LYRM4: variants seen among roughly 807,000 people sequenced by gnomAD.
LYRM4 encodes LYR motif-containing protein 4.
LYRM4 carries 9 observed loss-of-function variants against 11.7 expected under a neutral mutation model. The observed-to-expected ratio is 0.77, with a 90% confidence interval of 0.46 to 1.34. The LOEUF is 1.34. LYRM4 is among the 40% of genes most tolerant of loss of function. The probability of loss-of-function intolerance (pLI) is 0.00; values close to 1 mark genes in which losing one functional copy is unlikely to be tolerated. For synonymous variants in LYRM4, 42 were observed against 40.4 expected (o/e 1.04, Z -0.15); for missense variants, 133 against 112.5 (o/e 1.18, Z -0.82).
At chr6:5,180,148 G>A (rs1759982679) in intron 2 of LYRM4, among the ~76,000 whole-genome samples, 1 of 152,166 alleles carries the variant, frequency 6.6e-6, no homozygotes, top group Non-Finnish European at 1.5e-5. Context: ...GGTTACTAAT[G>A]AAATCTGAAG....
the LYRM4 span, among the ~76,000 whole-genome samples, chr6:5,081,968 G>T: frequency 1.3e-5 from 2 of 152,160 alleles, no homozygotes; most frequent in Non-Finnish European, 2.9e-5. Flanking sequence ...TGGAGACCCT[G>T]GAGGCTGGTG....
At chr6:5,162,115 A>T (rs1758795487) in intron 2 of LYRM4, among the ~76,000 whole-genome samples, 1 of 152,186 alleles carries the variant, frequency 6.6e-6, no homozygotes, top group Non-Finnish European at 1.5e-5. Context: ...ATGGCATTTC[A>T]GCTTTAACTA....
the LYRM4 span, among the ~76,000 whole-genome samples, chr6:5,078,504 T>G: frequency 6.6e-6 from 1 of 152,166 alleles, no homozygotes; most frequent in Non-Finnish European, 1.5e-5. Flanking sequence ...CGGTGACCAG[T>G]AGGTGTCAGC....
the LYRM4 span, among the ~76,000 whole-genome samples, chr6:5,069,060 A>G: frequency 1.2e-5 from 1 of 81,898 alleles, no homozygotes; most frequent in Admixed American, 1.2e-4. Context: ...TATTTGGTGC[A>G]AAAAAAAAAT....
chr6:5,080,414 C>T, the LYRM4 span, among the ~76,000 whole-genome samples: 3 of 152,246 alleles, frequency 2.0e-5, no homozygotes, highest in African/African-American at 7.2e-5. Context: ...TGCATACCTC[C>T]ATGTGCCCCT....
chr6:5,249,877 G>A lies in LYRM4; in HGVS notation c.86+10771C>T, dbSNP rs540982701. Among the ~76,000 whole-genome samples the A allele has an allele frequency of 1.3e-3, 195 of 152,294 alleles. 3 individuals carry two copies. Among genetic ancestry groups the A allele is most frequent in the African/African-American group, 4.6e-3 (190 of 41,572 alleles). ...TTCAGTGTGAAGAAAGGGGTATACA[G>A]GAGAAGTAATATGACATGAAGTACC... On this transcript the variant is annotated intron_variant, in intron 1 of 2. Transcript: ENST00000330636.
chr6:5,193,969 A>C (rs1055180885), intron 2 of LYRM4, among the ~76,000 whole-genome samples: 1 of 149,994 alleles, frequency 6.7e-6, no homozygotes, highest in African/African-American at 2.5e-5. Context: ...GAAATATATG[A>C]TTGTTAAAAA....
At chr6:5,085,953 G>C in the LYRM4 span, 1 of 1,526,860 alleles carries the variant, frequency 6.5e-7, no homozygotes, top group South Asian at 1.2e-5. Flanking sequence ...AGCCGCAGGT[G>C]CCGCCCGCCG....
At chr6:5,089,950 T>A in the LYRM4 span, among the ~76,000 whole-genome samples, 1 of 152,066 alleles carries the variant, frequency 6.6e-6, no homozygotes, top group South Asian at 2.1e-4. Flanking sequence ...TGAAAAGTTA[T>A]TTCAAAGGAA....
the LYRM4 span, among the ~76,000 whole-genome samples, chr6:5,082,083 TC>T: frequency 1.3e-5 from 2 of 152,214 alleles, no homozygotes; most frequent in Non-Finnish European, 2.9e-5. Flanking sequence ...ACTGGTGAAC[TC>T]AAGCAAAGTG....
chr6:5,112,294 T>C (rs1762918299), intron 2 of LYRM4, among the ~76,000 whole-genome samples: 2 of 152,214 alleles, frequency 1.3e-5, no homozygotes, highest in Admixed American at 1.3e-4. Flanking sequence ...AAGGCAGGAC[T>C]GGTGAACACT....
chr6:5,160,896 C>A (rs764555268), intron 2 of LYRM4, among the ~76,000 whole-genome samples: 1 of 152,052 alleles, frequency 6.6e-6, no homozygotes, highest in South Asian at 2.1e-4. Flanking sequence ...GGGGAGCAAA[C>A]GATTTAGACC....
At chr6:5,041,670 G>T in the LYRM4 span, among the ~76,000 whole-genome samples, 12 of 152,098 alleles carry the variant, frequency 7.9e-5, no homozygotes, top group Non-Finnish European at 1.8e-4. Context: ...AGATATCTGG[G>T]TTTTTTTCCC....
chr6:5,096,226 A>G, the LYRM4 span, among the ~76,000 whole-genome samples: 1 of 152,206 alleles, frequency 6.6e-6, no homozygotes, highest in Non-Finnish European at 1.5e-5. Flanking sequence ...GCAGTAGCTC[A>G]TGCCTGTAAT....
chr6:5,214,731 T>C (rs1047867675), intron 2 of LYRM4, among the ~76,000 whole-genome samples: 2 of 152,208 alleles, frequency 1.3e-5, no homozygotes, highest in African/African-American at 4.8e-5. Flanking sequence ...GGAGCCACTG[T>C]GCCTTACGCC....
intron 2 of LYRM4, among the ~76,000 whole-genome samples, chr6:5,171,330 A>G (rs80344698): frequency 0.013 from 2,010 of 152,312 alleles, 39 homozygotes; most frequent in African/African-American, 0.044. Context: ...GCACAACACT[A>G]AAACACTGTT....
intron 2 of LYRM4, chr6:5,136,086 C>T (rs570633611): frequency 1.0e-4 from 17 of 164,678 alleles, no homozygotes; most frequent in Non-Finnish European, 1.9e-4. Context: ...GAATTTCCTT[C>T]CTCTTTAGGG....
chr6:5,066,448 C>A, the LYRM4 span: 4 of 757,088 alleles, frequency 5.3e-6, no homozygotes, highest in Non-Finnish European at 9.9e-6. Context: ...GGAACTGCTT[C>A]TATTCCCAAA....
At chr6:5,197,258 T>G (rs2127699617) in intron 2 of LYRM4, among the ~76,000 whole-genome samples, 1 of 152,170 alleles carries the variant, frequency 6.6e-6, no homozygotes, top group East Asian at 1.9e-4. Context: ...GATTCAAGAC[T>G]ATGACACACT....
Sources: allele counts gnomAD v4.1 joint callset (sites outside exome capture counted in the v4.1 genomes callset), GRCh38; gene constraint gnomAD v4.1.1; transcripts MANE v1.5; gene names NCBI Gene and HGNC (gene_info 2026-07-23, HGNC 2026-07-21).